The following GIMAP8 variants were observed in gnomAD, a reference collection of about 807,000 sequenced individuals.
The protein encoded by GIMAP8 is GTPase IMAP family member 8.
A neutral mutation model predicts 35.6 loss-of-function variants in GIMAP8; 29 were observed. That is an observed-to-expected ratio of 0.81 (90% CI 0.61 to 1.11). GIMAP8 has a LOEUF of 1.11. Ranked by LOEUF, GIMAP8 falls within the 50% of genes most tolerant of loss-of-function variation. The pLI, the probability that GIMAP8 is intolerant of heterozygous loss-of-function variation, is 0.00. For missense variants in GIMAP8, 811 were observed against 805.0 expected (o/e 1.01, Z -0.09); for synonymous variants, 335 against 308.7 (o/e 1.09, Z -0.89).
intron 1 of GIMAP8, among the ~76,000 whole-genome samples, chr7:150,460,444 A>G (rs908901096): frequency 6.6e-6 from 1 of 152,218 alleles, no homozygotes; most frequent in Admixed American, 6.5e-5. Context: ...CATTGGCCAC[A>G]GCCTATGAAT....
At chr7:150,454,829 A>G (rs900699396) in intron 1 of GIMAP8, among the ~76,000 whole-genome samples, 3 of 152,198 alleles carry the variant, frequency 2.0e-5, no homozygotes, top group Admixed American at 1.3e-4. Flanking sequence ...TCATACTTGA[A>G]ATTAGAACAT....
chr7:150,477,003 A>T, intron 4 of GIMAP8, 89 bp from the exon 5 acceptor site: 1 of 971,332 alleles, frequency 1.0e-6, no homozygotes, highest in Non-Finnish European at 1.6e-6. Flanking sequence ...TGTTTACTTT[A>T]GTGATGTAAT....
rs775362131 is a variant in GIMAP8, at chr7:150,477,828, G to A, written c.*48G>A. ...CTTCAATTAGAGACACCCTCAGGTT[G>A]GGGGGAGGGGCGGGGCATGGTACAA... On this transcript the variant is annotated 3_prime_UTR_variant, in exon 5 of 5. Transcript: ENST00000307271. The A allele has an allele frequency of 2.6e-5, 38 of 1,480,786 alleles. No homozygotes were observed. In the Admixed American group the frequency reaches 7.2e-4, roughly 28 times the overall value. 91.7% of individuals were successfully genotyped at this position (1,480,786 alleles called of 1,614,324 possible). A position where few individuals can be genotyped will look rare whatever the true frequency, so the allele number is the denominator to read the frequency against.
chr7:150,469,219 C>A (rs1802036567), intron 2 of GIMAP8, among the ~76,000 whole-genome samples: 1 of 152,174 alleles, frequency 6.6e-6, no homozygotes, highest in Non-Finnish European at 1.5e-5. Context: ...ATTCTCTCTG[C>A]ACTGACACTT....
intron 2 of GIMAP8, among the ~76,000 whole-genome samples, chr7:150,468,184 C>T (rs1349413770): frequency 6.6e-6 from 1 of 152,170 alleles, no homozygotes; most frequent in Non-Finnish European, 1.5e-5. Context: ...TACATCGTTT[C>T]TTGCCTAACC....
Position 150,474,335 on chromosome 7 carries a change from T to C in GIMAP8, c.1006T>C (p.Tyr336His). Residue 336 changes from tyrosine (Y) to histidine (H), a missense_variant, in exon 4 of 5, where the codon TAC becomes CAC. Transcript: ENST00000307271. ...AFLLVTPLGF[Y>H]TKNDEAVLST... ...CCTGCTGGTGACACCACTGGGCTTTTACACTAAGAATGATGAGGCAGTGCT... is the reference window on the plus strand; with the variant it reads ...CCTGCTGGTGACACCACTGGGCTTTCACACTAAGAATGATGAGGCAGTGCT... The C allele has an allele frequency of 1.2e-6, 2 of 1,614,204 alleles. No homozygotes were observed. Among genetic ancestry groups the C allele is most frequent in the Non-Finnish European group, 1.7e-6 (2 of 1,180,020 alleles).
intron 1 of GIMAP8, among the ~76,000 whole-genome samples, chr7:150,452,996 C>T (rs983161950): frequency 3.8e-4 from 58 of 151,976 alleles, no homozygotes; most frequent in African/African-American, 1.4e-3. Flanking sequence ...ACATGCCAGG[C>T]ACAATGTTAG....
At position 150,477,443 on chromosome 7, in the gene GIMAP8, C is replaced by G. The variant is rs779178732; in HGVS notation, c.1661C>G (p.Ala554Gly). 1 of 1,613,702 alleles carries G rather than the reference C, an allele frequency of 6.2e-7. No individual in the cohort carries two copies. Among genetic ancestry groups the G allele is most frequent in the Non-Finnish European group, 8.5e-7 (1 of 1,179,580 alleles). The change falls in exon 5 of 5, where the codon GCA becomes GGA. Residue 554 changes from alanine (A) to glycine (G), a missense_variant. Ala to Gly is a moderately conservative substitution (Grantham distance 60, BLOSUM62 0). Coordinates refer to ENST00000307271, the MANE Select transcript of GIMAP8 (RefSeq NM_175571.4). ...AVAKLEAIFG[A>G]DFTKYAIMLF... ...GCGAAACTGGAGGCCATCTTTGGAG[C>G]AGACTTTACGAAATACGCGATTATG...
At chr7:150,457,241 G>T (rs1801747916) in intron 1 of GIMAP8, among the ~76,000 whole-genome samples, 2 of 152,248 alleles carry the variant, frequency 1.3e-5, no homozygotes. Flanking sequence ...TCATGCCATT[G>T]TTTGTGGTTT....
In GIMAP8 at chr7:150,474,110, A is replaced by C. The variant is rs1470124889; in HGVS notation, c.781A>C (p.Ser261Arg). The change falls in exon 4 of 5, where the codon AGT becomes CGT. Residue 261 changes from serine to arginine, a missense_variant. Transcript: ENST00000307271. ...TGTGGGGAAACGCGGTGCTGGAAAA[A>C]GTGCAGCAGGAAACAGCATTCTGGG... ...LLVGKRGAGKSAAGNSILGRQ... is the reference protein window; with the variant it reads ...LLVGKRGAGKRAAGNSILGRQ... 1 of 1,614,086 alleles carries C rather than the reference A, an allele frequency of 6.2e-7. No individual in the cohort carries two copies. The highest frequency in any genetic ancestry group is 1.3e-5 in the African/African-American group (1 of 74,920).
chr7:150,467,140 A>T lies in GIMAP8; in HGVS notation c.442A>T (p.Ile148Phe). 2 of 1,614,200 alleles carry T rather than the reference A, an allele frequency of 1.2e-6. No homozygotes were observed. Among genetic ancestry groups the T allele is most frequent in the Non-Finnish European group, 1.7e-6 (2 of 1,180,038 alleles). Reference sequence around the variant, plus strand: ...GGGGGATGACTTGCTGCAAGATTTCATTGAAAAAAACAAACCTCTCAAGCA... The same window carrying T: ...GGGGGATGACTTGCTGCAAGATTTCTTTGAAAAAAACAAACCTCTCAAGCA... ...DLGDDLLQDFIEKNKPLKQLV... is the reference protein window; with the variant it reads ...DLGDDLLQDFFEKNKPLKQLV... Residue 148 changes from isoleucine to phenylalanine, a missense_variant, in exon 2 of 5, where the codon ATT becomes TTT. Transcript: ENST00000307271.
At chr7:150,475,355 C>T (rs1463483768) in intron 4 of GIMAP8, among the ~76,000 whole-genome samples, 1 of 152,182 alleles carries the variant, frequency 6.6e-6, no homozygotes, top group Non-Finnish European at 1.5e-5. Flanking sequence ...TAACTCTTTT[C>T]TCTTTCTTTG....
At chr7:150,458,515 T>C (rs1801777707) in intron 1 of GIMAP8, among the ~76,000 whole-genome samples, 1 of 152,220 alleles carries the variant, frequency 6.6e-6, no homozygotes, top group African/African-American at 2.4e-5. Flanking sequence ...GGAATAATGT[T>C]TGCCTAACTA....
chr7:150,452,647 G>GTATATATGTA, intron 1 of GIMAP8, among the ~76,000 whole-genome samples: 1 of 135,868 alleles, frequency 7.4e-6, no homozygotes, highest in African/African-American at 2.8e-5. Flanking sequence ...ATATATATGT[G>GTATATATGTA]TGTATATGTG....
At chr7:150,453,683 G>C (rs2116582797) in intron 1 of GIMAP8, among the ~76,000 whole-genome samples, 1 of 152,362 alleles carries the variant, frequency 6.6e-6, no homozygotes, top group South Asian at 2.1e-4. Flanking sequence ...AGATACAGTG[G>C]TGAGAAAAAC....
chr7:150,450,698 C>T lies in GIMAP8; in HGVS notation c.-506C>T, dbSNP rs1171008944. On this transcript the variant is annotated 5_prime_UTR_variant, in exon 1 of 5. Transcript: ENST00000307271. The surrounding 1 kb of genome is among the most constrained non-coding windows in gnomAD (Gnocchi z 4.4). ...TCAGGAACAGGAACTGGCTTGACGT[C>T]CTTTTCCTGCCCTATCCAAGCCCCT... 1 of 152,330 alleles carries T rather than the reference C, an allele frequency of 6.6e-6. No homozygotes were observed. Among genetic ancestry groups the T allele is most frequent in the Non-Finnish European group, 1.5e-5 (1 of 68,104 alleles). 9.4% of individuals were successfully genotyped at this position (152,330 alleles called of 1,614,324 possible).
rs776979506 is a variant in GIMAP8, at chr7:150,477,587, A to C, written c.1805A>C (p.Asn602Thr). The change falls in exon 5 of 5, where the codon AAC (asparagine) becomes ACC (threonine). Residue 602 changes from asparagine (N) to threonine (T), a missense_variant. Physicochemically the swap from Asn to Thr is moderately conservative, Grantham distance 65. Coordinates refer to ENST00000307271, the MANE Select transcript of GIMAP8 (RefSeq NM_175571.4). ...TGTGGGCGGCGAGTTTGTGCTTTTA[A>C]CAACAAAGAAACAGGCCAGGCCCAG... The part of the protein sequence containing the change: ...KKCGRRVCAF[N>T]NKETGQAQET... 1.9e-6 allele frequency: 3 copies of C among 1,614,190 alleles called. No individual in the cohort carries two copies. The South Asian group carries it at 3.3e-5, about 18-fold the overall frequency.
At chr7:150,476,315 G>C (rs1802227306) in intron 4 of GIMAP8, among the ~76,000 whole-genome samples, 1 of 152,240 alleles carries the variant, frequency 6.6e-6, no homozygotes, top group South Asian at 2.1e-4. Flanking sequence ...CTGTCACAGT[G>C]CAAGTGCAAA....
chr7:150,460,683 G>A (rs936249891), intron 1 of GIMAP8, among the ~76,000 whole-genome samples: 1 of 152,172 alleles, frequency 6.6e-6, no homozygotes, highest in African/African-American at 2.4e-5. Flanking sequence ...ATTCATTGTA[G>A]GAAACTCCCC....
Sources: allele counts gnomAD v4.1 joint callset (sites outside exome capture counted in the v4.1 genomes callset), GRCh38; gene constraint gnomAD v4.1.1; non-coding constraint Gnocchi (gnomAD v3.1); transcripts MANE v1.5; gene names NCBI Gene and HGNC (gene_info 2026-07-23, HGNC 2026-07-21).